LRRIQ3: variants seen among roughly 807,000 people sequenced by gnomAD.
The protein encoded by LRRIQ3 is leucine rich repeats and IQ motif containing 3.
LRRIQ3 carries 75 observed loss-of-function variants against 59.3 expected under a neutral mutation model. The observed-to-expected ratio is 1.26, with a 90% confidence interval of 1.05 to 1.53. The LOEUF is 1.53. LRRIQ3 is among the 40% of genes most tolerant of loss of function. The probability of loss-of-function intolerance (pLI) is 0.00; values close to 1 mark genes in which losing one functional copy is unlikely to be tolerated. For missense variants in LRRIQ3, 831 were observed against 710.0 expected (o/e 1.17, Z -1.94); for synonymous variants, 250 against 231.3 (o/e 1.08, Z -0.73).
intron 6 of LRRIQ3, among the ~76,000 whole-genome samples, chr1:74,068,108 C>T (rs1245938985): frequency 6.6e-6 from 1 of 152,014 alleles, no homozygotes; most frequent in Non-Finnish European, 1.5e-5. Flanking sequence ...ACTTGGACTG[C>T]CATCATTTCA....
chr1:74,054,647 G>A (rs1654467984), intron 6 of LRRIQ3, among the ~76,000 whole-genome samples: 1 of 151,008 alleles, frequency 6.6e-6, no homozygotes, highest in South Asian at 2.1e-4. Context: ...GAAACAGACT[G>A]TTATGGAAAA....
At chr1:74,060,227 C>G (rs967704149) in intron 6 of LRRIQ3, among the ~76,000 whole-genome samples, 8 of 143,516 alleles carry the variant, frequency 5.6e-5, no homozygotes, top group South Asian at 2.2e-4. Context: ...TCTTGTTCTT[C>G]TTCTTCTTCT....
intron 6 of LRRIQ3, among the ~76,000 whole-genome samples, chr1:74,055,337 A>G (rs565997269): frequency 1.3e-5 from 2 of 151,902 alleles, no homozygotes; most frequent in African/African-American, 4.8e-5. Flanking sequence ...GCAGGTATCT[A>G]TTAGCAGTCA....
intron 5 of LRRIQ3, 27 bp from the exon 6 acceptor site, chr1:74,074,817 C>A (rs373577593): frequency 1.8e-6 from 2 of 1,131,024 alleles, no homozygotes; most frequent in Non-Finnish European, 2.4e-6. Flanking sequence ...AAAGCAATGA[C>A]AATGATAATA....
chr1:74,192,329 A>G (rs1289698961), intron 1 of LRRIQ3, among the ~76,000 whole-genome samples: 1 of 152,104 alleles, frequency 6.6e-6, no homozygotes, highest in Non-Finnish European at 1.5e-5. Context: ...AGTATGAATG[A>G]ATTTGTCACC....
intron 5 of LRRIQ3, among the ~76,000 whole-genome samples, chr1:74,099,688 C>T (rs990768533): frequency 8.5e-5 from 13 of 152,256 alleles, no homozygotes; most frequent in African/African-American, 2.4e-4. Context: ...TCCAGCAACA[C>T]ATCAAAAAGC....
chr1:74,177,257 T>C (rs184891588), intron 3 of LRRIQ3, among the ~76,000 whole-genome samples: 1 of 152,214 alleles, frequency 6.6e-6, no homozygotes, highest in African/African-American at 2.4e-5. Context: ...ATGACTGGCC[T>C]AGCCTCCCAG....
chr1:74,182,337 C>T (rs1477781772), intron 3 of LRRIQ3: 7 of 321,220 alleles, frequency 2.2e-5, no homozygotes, highest in South Asian at 2.5e-4. Context: ...TCATTTCAGG[C>T]TTTGTTTAAT....
chr1:74,082,755 T>C (rs1333847084), intron 5 of LRRIQ3: 3 of 151,556 alleles, frequency 2.0e-5, no homozygotes, highest in African/African-American at 7.2e-5. Flanking sequence ...AGTAGCTATA[T>C]ATATATAATT....
At chr1:74,183,331 G>A in intron 2 of LRRIQ3, 105 bp downstream of exon 2, 1 of 1,011,716 alleles carries the variant, frequency 9.9e-7, no homozygotes, top group Non-Finnish European at 1.4e-6. Flanking sequence ...TTATATTTTA[G>A]ACAAAAGACC....
chr1:74,032,069 A>G (rs1653736109), intron 7 of LRRIQ3, among the ~76,000 whole-genome samples: 1 of 151,986 alleles, frequency 6.6e-6, no homozygotes, highest in African/African-American at 2.4e-5. Context: ...ATCTATGGAT[A>G]AATAAAATTA....
Position 74,026,733 on chromosome 1 carries a change from T to A in LRRIQ3, c.*80A>T, listed in dbSNP as rs1653526601. 8.8e-7 allele frequency: 1 copy of A among 1,134,528 alleles called. No homozygotes were observed. Among genetic ancestry groups the A allele is most frequent in the South Asian group, 1.5e-5 (1 of 67,762 alleles). 70.3% of individuals were successfully genotyped at this position (1,134,528 alleles called of 1,614,324 possible). A position where few individuals can be genotyped will look rare whatever the true frequency, so the allele number is the denominator to read the frequency against. Reference sequence around the variant, plus strand: ...TTGTGATGTAGAGTATTTCTTGCTTTAGAGTATTATTTCAAATTCCTTCAA... The same window carrying A: ...TTGTGATGTAGAGTATTTCTTGCTTAAGAGTATTATTTCAAATTCCTTCAA... On this transcript the variant is annotated 3_prime_UTR_variant, in exon 8 of 8. Transcript: ENST00000354431.
At chr1:74,087,993 T>G (rs1646348085) in intron 5 of LRRIQ3, among the ~76,000 whole-genome samples, 1 of 151,984 alleles carries the variant, frequency 6.6e-6, no homozygotes, top group Non-Finnish European at 1.5e-5. Flanking sequence ...CTTGGGAGGC[T>G]GAGGCAGAAG....
chr1:74,077,797 T>A (rs1457780777), intron 5 of LRRIQ3, among the ~76,000 whole-genome samples: 1 of 151,842 alleles, frequency 6.6e-6, no homozygotes, highest in Admixed American at 6.6e-5. Context: ...AGTAAAGAAA[T>A]GGGCTTTTCT....
chr1:74,069,791 C>T (rs1654969037), intron 6 of LRRIQ3, among the ~76,000 whole-genome samples: 1 of 151,946 alleles, frequency 6.6e-6, no homozygotes, highest in Non-Finnish European at 1.5e-5. Flanking sequence ...TAATATCATC[C>T]TTACAATAAT....
chr1:74,168,698 C>T (rs1307191998), intron 3 of LRRIQ3, among the ~76,000 whole-genome samples: 2 of 151,760 alleles, frequency 1.3e-5, no homozygotes, highest in African/African-American at 2.4e-5. Context: ...CTATGGGTTA[C>T]TTAAACATTT....
intron 4 of LRRIQ3, among the ~76,000 whole-genome samples, chr1:74,153,496 T>G (rs1257665807): frequency 6.6e-6 from 1 of 152,188 alleles, no homozygotes; most frequent in Non-Finnish European, 1.5e-5. Context: ...TACTTTCACC[T>G]TTCCATGCAT....
intron 3 of LRRIQ3, among the ~76,000 whole-genome samples, chr1:74,173,973 G>A (rs988278739): frequency 6.6e-6 from 1 of 151,986 alleles, no homozygotes; most frequent in East Asian, 1.9e-4. Context: ...CAGCCCACAA[G>A]GTTTCTGATG....
chr1:74,123,156 T>G, intron 4 of LRRIQ3, among the ~76,000 whole-genome samples: 1 of 152,170 alleles, frequency 6.6e-6, no homozygotes, highest in East Asian at 1.9e-4. Context: ...TATTTTTAAA[T>G]TTTTAATTTT....
Sources: allele counts gnomAD v4.1 joint callset (sites outside exome capture counted in the v4.1 genomes callset), GRCh38; gene constraint gnomAD v4.1.1; transcripts MANE v1.5; gene names NCBI Gene and HGNC (gene_info 2026-07-23, HGNC 2026-07-21).